Variants in E2F6 observed in about 807,000 individuals in gnomAD.
E2F6 encodes E2F transcription factor 6.
A neutral mutation model predicts 31.5 loss-of-function variants in E2F6; 19 were observed. That is an observed-to-expected ratio of 0.60 (90% CI 0.42 to 0.89). The LOEUF is 0.89. E2F6 is among the 40% of genes least tolerant of loss of function. The pLI, the probability that E2F6 is intolerant of heterozygous loss-of-function variation, is 0.00. For missense variants in E2F6, 269 were observed against 341.6 expected (o/e 0.79, Z 1.67); for synonymous variants, 121 against 127.7 (o/e 0.95, Z 0.36).
intron 5 of E2F6, among the ~76,000 whole-genome samples, chr2:11,448,641 G>C (rs1558450558): frequency 6.6e-6 from 1 of 152,248 alleles, no homozygotes; most frequent in Non-Finnish European, 1.5e-5. Flanking sequence ...AGAGTGCCAG[G>C]TCACAACTGG....
chr2:11,461,586 C>T (rs1177446009), intron 1 of E2F6, among the ~76,000 whole-genome samples: 1 of 152,220 alleles, frequency 6.6e-6, no homozygotes, highest in African/African-American at 2.4e-5. Flanking sequence ...ATCCGGACCT[C>T]AGGTGATCCA....
intron 2 of E2F6, among the ~76,000 whole-genome samples, chr2:11,455,746 C>A (rs899919151): frequency 6.6e-6 from 1 of 152,160 alleles, no homozygotes; most frequent in African/African-American, 2.4e-5. Flanking sequence ...GAGGTCTTCA[C>A]ACCAAAGCAA....
chr2:11,445,671 T>G lies in E2F6; in HGVS notation c.*806A>C, dbSNP rs957067831. 2 of 152,188 alleles carry G rather than the reference T, an allele frequency of 1.3e-5. No individual in the cohort carries two copies. The highest frequency in any genetic ancestry group is 1.3e-4 in the Admixed American group (2 of 15,282). The allele number at this position is 152,188 out of a possible 1,614,324, so 9.4% of individuals were successfully genotyped here. A position where few individuals can be genotyped will look rare whatever the true frequency, so the allele number is the denominator to read the frequency against. On this transcript the variant is annotated 3_prime_UTR_variant, in exon 7 of 7. Coordinates refer to ENST00000381525, the MANE Select transcript of E2F6 (RefSeq NM_198256.4). The stretch of plus-strand genomic sequence containing the variant: ...GAATTCAGCTATTTCCTGATGGCAT[T>G]TCTATCCTTGCCCCCAAAGCCACTG...
chr2:11,449,919 C>G, intron 5 of E2F6, 93 bp downstream of exon 5: 1 of 963,820 alleles, frequency 1.0e-6, no homozygotes. Context: ...CACGTGCACA[C>G]AACGGCTCTT....
At chr2:11,463,219 T>C (rs1194090200) in intron 1 of E2F6, among the ~76,000 whole-genome samples, 1 of 152,162 alleles carries the variant, frequency 6.6e-6, no homozygotes, top group East Asian at 1.9e-4. Flanking sequence ...ACCAATTTTC[T>C]TTACCCGCTG....
intron 3 of E2F6, 104 bp from the exon 4 acceptor site, chr2:11,451,910 TC>T: frequency 9.0e-7 from 1 of 1,117,306 alleles, no homozygotes; most frequent in Non-Finnish European, 1.3e-6. Flanking sequence ...ATAAGTGTTT[TC>T]CACAACAATA....
At chr2:11,461,077 C>T (rs752185646) in intron 1 of E2F6, among the ~76,000 whole-genome samples, 6 of 152,066 alleles carry the variant, frequency 3.9e-5, no homozygotes, top group Admixed American at 6.6e-5. Flanking sequence ...CTGTCTTGTC[C>T]GGGAACTGTT....
At chr2:11,455,421 C>A in intron 2 of E2F6, 1 of 1,286,044 alleles carries the variant, frequency 7.8e-7, no homozygotes. Context: ...ACTTCAGGAA[C>A]AAAGGTACAT....
intron 1 of E2F6, among the ~76,000 whole-genome samples, chr2:11,463,845 G>T (rs924263964): frequency 2.7e-5 from 4 of 150,030 alleles, no homozygotes; most frequent in Non-Finnish European, 5.9e-5. Flanking sequence ...CAGCTACTTG[G>T]GAGTTGGAGG....
At chr2:11,463,950 G>GGGGA in intron 1 of E2F6, among the ~76,000 whole-genome samples, 1 of 135,570 alleles carries the variant, frequency 7.4e-6, no homozygotes, top group Admixed American at 7.3e-5. Flanking sequence ...TCCTGCACCG[G>GGGGA]GGGGGGGGAC....
At chr2:11,465,178 C>CAAAAAAAAAAAAAAAAAAAAAAA (rs59561027) in intron 1 of E2F6, among the ~76,000 whole-genome samples, 5 of 88,604 alleles carry the variant, frequency 5.6e-5, no homozygotes, top group Admixed American at 1.4e-4. Context: ...AACTCAATCT[C>CAAAAAAAAAAAAAAAAAAAAAAA]AAAAAAAAAA....
At chr2:11,456,404 C>A (rs868400357) in intron 2 of E2F6, among the ~76,000 whole-genome samples, 2 of 152,112 alleles carry the variant, frequency 1.3e-5, no homozygotes, top group Non-Finnish European at 2.9e-5. Flanking sequence ...AGACCCTGAA[C>A]GAGAAGAAGC....
chr2:11,451,282 C>T, intron 4 of E2F6: 1 of 161,588 alleles, frequency 6.2e-6, no homozygotes, highest in Non-Finnish European at 1.3e-5. Context: ...AGAAATGCCA[C>T]ACAGAAGTTA....
chr2:11,450,408 A>G (rs1032733120), intron 4 of E2F6, among the ~76,000 whole-genome samples: 5 of 152,172 alleles, frequency 3.3e-5, no homozygotes, highest in African/African-American at 1.2e-4. Context: ...ATTTCTGGAG[A>G]AAAATATTAA....
intron 2 of E2F6, among the ~76,000 whole-genome samples, chr2:11,456,119 G>C (rs183870872): frequency 1.3e-5 from 2 of 152,322 alleles, no homozygotes; most frequent in Admixed American, 1.3e-4. Context: ...CAAGGGCCTG[G>C]TCTGCTCTGT....
Position 11,446,247 on chromosome 2 carries a change from T to C in E2F6, c.*230A>G, listed in dbSNP as rs1245744475. On this transcript the variant is annotated 3_prime_UTR_variant, in exon 7 of 7. Transcript: ENST00000381525. ...TCAGGAGGCAAGATGTCTATTTCAC[T>C]GACAAAAAGCAGTGAATAATTATAA... 4 of 494,942 alleles carry C rather than the reference T, an allele frequency of 8.1e-6. No individual in the cohort carries two copies. Among genetic ancestry groups the C allele is most frequent in the Non-Finnish European group, 1.4e-5 (4 of 277,470 alleles). 30.7% of individuals were successfully genotyped at this position (494,942 alleles called of 1,614,324 possible).
chr2:11,447,905 A>C, intron 5 of E2F6, 131 bp from the exon 6 acceptor site: 1 of 1,035,090 alleles, frequency 9.7e-7, no homozygotes, highest in South Asian at 1.7e-5. Flanking sequence ...AGCACTGGCC[A>C]ATTCCCATGC....
chr2:11,462,516 T>C (rs1156614889), intron 1 of E2F6, among the ~76,000 whole-genome samples: 31 of 152,230 alleles, frequency 2.0e-4, no homozygotes, highest in Non-Finnish European at 1.5e-5. Context: ...CTTTCCTTAC[T>C]AAGTCAAGAA....
At position 11,464,712 on chromosome 2, in the gene E2F6, A is replaced by G. The variant is rs535860729; in HGVS notation, c.108+1060T>C. Among the ~76,000 whole-genome samples, 31 of 152,238 alleles carry G rather than the reference A, an allele frequency of 2.0e-4. 1 individual carries two copies. The East Asian group carries it at 5.8e-3, about 28-fold the overall frequency. On this transcript the variant is annotated intron_variant, in intron 1 of 6. Transcript: ENST00000381525. ...AAGTTTCTACACTTATTATCCAGCC[A>G]CAGGCAAGCCGGCGTTACATGCATC...
Sources: allele counts gnomAD v4.1 joint callset (sites outside exome capture counted in the v4.1 genomes callset), GRCh38; gene constraint gnomAD v4.1.1; transcripts MANE v1.5; gene names NCBI Gene and HGNC (gene_info 2026-07-23, HGNC 2026-07-21).